The following GRIN2A variants were observed in gnomAD, a reference collection of about 807,000 sequenced individuals.
The protein encoded by GRIN2A is glutamate receptor ionotropic, NMDA 2A.
In GRIN2A, 22 loss-of-function variants were observed where a neutral mutation model predicts 113.4. The ratio of observed to expected loss-of-function variants is 0.19; its 90% CI spans 0.14 to 0.28. The LOEUF (loss-of-function observed/expected upper bound fraction) is 0.28, where lower values mean the gene tolerates loss of function less well. GRIN2A is among the 10% of genes least tolerant of loss of function. The pLI is 1.00. For missense variants in GRIN2A, 1,502 were observed against 1,887.0 expected (o/e 0.80, Z 3.78); for synonymous variants, 827 against 738.4 (o/e 1.12, Z -1.94).
chr16:9,834,588 C>G (rs2042555463), intron 7 of GRIN2A, among the ~76,000 whole-genome samples: 1 of 151,928 alleles, frequency 6.6e-6, no homozygotes, highest in Admixed American at 6.6e-5. Context: ...CGCCATGTTG[C>G]CCAGGCTGGT....
At chr16:10,070,456 T>A (rs2047728113) in intron 2 of GRIN2A, among the ~76,000 whole-genome samples, 1 of 152,164 alleles carries the variant, frequency 6.6e-6, no homozygotes, top group Admixed American at 6.5e-5. Context: ...GAATCACTGG[T>A]CCACAGCTCA....
intron 2 of GRIN2A, 106 bp downstream of exon 2, chr16:10,179,892 C>CCCCCAAAAAA: frequency 1.4e-6 from 1 of 721,358 alleles, no homozygotes; most frequent in Non-Finnish European, 2.4e-6. Flanking sequence ...ACCCCCACCC[C>CCCCCAAAAAA]CACTTCACAT....
intron 3 of GRIN2A, among the ~76,000 whole-genome samples, chr16:9,892,288 A>G (rs897872129): frequency 6.6e-6 from 1 of 152,164 alleles, no homozygotes; most frequent in African/African-American, 2.4e-5. Flanking sequence ...GGGTGACATC[A>G]AAGAGGTAAT....
At chr16:9,926,836 T>C (rs562395776) in intron 3 of GRIN2A, among the ~76,000 whole-genome samples, 1 of 152,080 alleles carries the variant, frequency 6.6e-6, no homozygotes, top group East Asian at 1.9e-4. Context: ...ATCTTTTTCA[T>C]GGTAAACAAA....
At chr16:9,895,135 C>T (rs2043778196) in intron 3 of GRIN2A, among the ~76,000 whole-genome samples, 1 of 152,102 alleles carries the variant, frequency 6.6e-6, no homozygotes. Context: ...CACAAAATAA[C>T]TATAACGAAG....
intron 2 of GRIN2A, chr16:10,171,385 T>C (rs2050038067): frequency 6.6e-6 from 1 of 152,224 alleles, no homozygotes; most frequent in Non-Finnish European, 1.5e-5. Context: ...GTCCACACTC[T>C]AAATCCCTAA....
intron 3 of GRIN2A, 89 bp downstream of exon 3, chr16:9,937,870 G>C (rs564940363): frequency 3.5e-5 from 31 of 891,472 alleles, no homozygotes; most frequent in Admixed American, 1.9e-4. Context: ...TTTTCAGTGC[G>C]TATTTCCAAC....
Position 9,760,233 on chromosome 16 carries a change from G to C in GRIN2A, c.*2916C>G. ...CTTCCAGGCTTCCTATTTAATTCTT[G>C]TTACTTCTCATACTGTGGGTTCCAT... On this transcript the variant is annotated 3_prime_UTR_variant, in exon 13 of 13. Coordinates refer to ENST00000330684, the MANE Select transcript of GRIN2A (RefSeq NM_001134407.3). 1 of 227,296 alleles carries C rather than the reference G, an allele frequency of 4.4e-6. No homozygotes were observed. Among genetic ancestry groups the C allele is most frequent in the Non-Finnish European group, 8.7e-6 (1 of 114,826 alleles). The allele number at this position is 227,296 out of a possible 1,614,324, so 14.1% of individuals were successfully genotyped here. A position where few individuals can be genotyped will look rare whatever the true frequency, so the allele number is the denominator to read the frequency against.
At chr16:9,917,410 T>C (rs563396323) in intron 3 of GRIN2A, among the ~76,000 whole-genome samples, 1 of 152,240 alleles carries the variant, frequency 6.6e-6, no homozygotes, top group Non-Finnish European at 1.5e-5. Flanking sequence ...AATGGATGAA[T>C]GCAATTGTGA....
intron 2 of GRIN2A, chr16:10,112,617 A>T (rs1343475741): frequency 3.9e-6 from 3 of 769,896 alleles, no homozygotes. Context: ...GTACTGGGGC[A>T]TGGGCTCGCT....
chr16:9,857,306 T>A (rs2042986116), intron 4 of GRIN2A, among the ~76,000 whole-genome samples: 1 of 152,180 alleles, frequency 6.6e-6, no homozygotes, highest in South Asian at 2.1e-4. Context: ...TAGTTGACAA[T>A]AATATACGAA....
intron 2 of GRIN2A, among the ~76,000 whole-genome samples, chr16:10,047,662 G>A (rs1416113511): frequency 6.6e-6 from 1 of 152,154 alleles, no homozygotes; most frequent in African/African-American, 2.4e-5. Context: ...CATCTTTGTA[G>A]GAGAGAAACC....
intron 3 of GRIN2A, among the ~76,000 whole-genome samples, chr16:9,916,172 G>A (rs1054489532): frequency 6.6e-6 from 1 of 152,168 alleles, no homozygotes; most frequent in Non-Finnish European, 1.5e-5. Context: ...GAATTGTTAT[G>A]AGGATTCAAG....
chr16:10,105,436 G>C (rs2048479395), intron 2 of GRIN2A, among the ~76,000 whole-genome samples: 1 of 151,776 alleles, frequency 6.6e-6, no homozygotes, highest in Admixed American at 6.6e-5. Context: ...AGTAGAATCA[G>C]CTGACCCAAT....
chr16:10,154,536 C>T (rs2049649523), intron 2 of GRIN2A, among the ~76,000 whole-genome samples: 1 of 152,186 alleles, frequency 6.6e-6, no homozygotes, highest in Non-Finnish European at 1.5e-5. Context: ...ATCCTCAGTG[C>T]CCTGAACTGT....
chr16:10,080,738 C>T (rs930247216), intron 2 of GRIN2A, among the ~76,000 whole-genome samples: 4 of 152,274 alleles, frequency 2.6e-5, no homozygotes, highest in Middle Eastern at 3.4e-3. Context: ...CCTTGTATTG[C>T]AGCCAGATGA....
chr16:9,825,305 C>T (rs188375374), intron 9 of GRIN2A, among the ~76,000 whole-genome samples: 1 of 152,318 alleles, frequency 6.6e-6, no homozygotes, highest in Non-Finnish European at 1.5e-5. Context: ...GAAAGAACAC[C>T]TGGCATCCTC....
At chr16:9,856,738 A>G (rs1243683011) in intron 4 of GRIN2A, among the ~76,000 whole-genome samples, 1 of 152,094 alleles carries the variant, frequency 6.6e-6, no homozygotes, top group Non-Finnish European at 1.5e-5. Flanking sequence ...CATGAATAAC[A>G]TGCTACTTTT....
chr16:10,090,292 C>T (rs1003725796), intron 2 of GRIN2A, among the ~76,000 whole-genome samples: 1 of 151,878 alleles, frequency 6.6e-6, no homozygotes. Context: ...TCATTTCAAA[C>T]ATATTACAAA....
Sources: gnomAD v4.1 joint callset for allele counts (sites outside exome capture counted in the v4.1 genomes callset) on GRCh38, gnomAD v4.1.1 for gene constraint, MANE v1.5 for transcripts, NCBI Gene and HGNC (gene_info 2026-07-23, HGNC 2026-07-21) for gene names.